The following NRP1 variants were observed in gnomAD, a reference collection of about 807,000 sequenced individuals.
NRP1 encodes the protein neuropilin-1.
A neutral mutation model predicts 106.7 loss-of-function variants in NRP1; 35 were observed. That is an observed-to-expected ratio of 0.33 (90% CI 0.25 to 0.43). The LOEUF (loss-of-function observed/expected upper bound fraction) is 0.43. Among genes scored for constraint, NRP1 ranks in the 20% least tolerant of loss-of-function variants. The pLI, the probability that NRP1 is intolerant of heterozygous loss-of-function variation, is 1.00. For synonymous variants in NRP1, 437 were observed against 417.9 expected (o/e 1.05, Z -0.56); for missense variants, 1,024 against 1,170.4 (o/e 0.87, Z 1.83).
chr10:33,270,458 C>T (rs1156885570), intron 3 of NRP1, among the ~76,000 whole-genome samples: 1 of 151,980 alleles, frequency 6.6e-6, no homozygotes, highest in Non-Finnish European at 1.5e-5. Flanking sequence ...TCCTGAGTAG[C>T]TGGGATTACT....
At chr10:33,292,208 T>C (rs139188909) in intron 2 of NRP1, among the ~76,000 whole-genome samples, 41 of 152,300 alleles carry the variant, frequency 2.7e-4, no homozygotes, top group African/African-American at 9.6e-4. Flanking sequence ...CAGATTTAGT[T>C]GTGAAGTCAG....
chr10:33,248,735 T>A (rs61843210), intron 6 of NRP1, among the ~76,000 whole-genome samples: 26,706 of 152,046 alleles, frequency 0.18, 2,734 homozygotes, highest in East Asian at 0.51. Context: ...AAGAGGCTCT[T>A]GCCTCAAGGG....
intron 2 of NRP1, among the ~76,000 whole-genome samples, chr10:33,319,568 T>TTTTCTTTC (rs1293392507): frequency 6.7e-6 from 1 of 148,646 alleles, no homozygotes; most frequent in East Asian, 2.0e-4. Flanking sequence ...CATCTTTTTT[T>TTTTCTTTC]TTTCTTTCTT....
At chr10:33,274,896 T>A (rs1371532050) in intron 2 of NRP1, among the ~76,000 whole-genome samples, 1 of 152,208 alleles carries the variant, frequency 6.6e-6, no homozygotes, top group African/African-American at 2.4e-5. Context: ...AAAATGTGTT[T>A]CTGTGGCTCT....
In NRP1 at chr10:33,334,432, G is replaced by A; in HGVS notation, c.-50C>T. Reference sequence around the variant, plus strand: ...AGACGCGGGAGAACGAGGACGTGGGGGGAAATGCAGCAAAGAGGAGAATCT... The same window carrying A: ...AGACGCGGGAGAACGAGGACGTGGGAGGAAATGCAGCAAAGAGGAGAATCT... On this transcript the variant is annotated 5_prime_UTR_variant, in exon 1 of 17. Coordinates refer to ENST00000374867, the MANE Select transcript of NRP1 (RefSeq NM_003873.7). 1 of 1,476,080 alleles carries A rather than the reference G, an allele frequency of 6.8e-7. No individual in the cohort carries two copies. The highest frequency in any genetic ancestry group is 1.4e-5 in the African/African-American group (1 of 71,876). 91.4% of individuals were successfully genotyped at this position (1,476,080 alleles called of 1,614,324 possible).
At chr10:33,243,965 GCA>G (rs1308562995) in intron 6 of NRP1, among the ~76,000 whole-genome samples, 2 of 149,828 alleles carry the variant, frequency 1.3e-5, no homozygotes, top group East Asian at 3.9e-4. Context: ...GTGTGTGTGT[GCA>G]TGCATGCTTG....
At position 33,221,858 on chromosome 10, in the gene NRP1, A is replaced by G. The variant is rs1299760304; in HGVS notation, c.1143T>C (p.Phe381=). 3.1e-6 allele frequency: 5 copies of G among 1,610,486 alleles called. No homozygotes were observed. Among genetic ancestry groups the G allele is most frequent in the Non-Finnish European group, 4.2e-6 (5 of 1,177,078 alleles). ...TIKEGNKPVL[F]QGNTNPTDVV... The stretch of plus-strand genomic sequence containing the variant: ...CATCTGTGGGGTTGGTGTTTCCCTG[A>G]AAGAGCTGTATGGGGAAAAAAAGTG... The change falls in exon 8 of 17, where the codon TTT becomes TTC. Residue 381 remains phenylalanine (F), a synonymous_variant. Coordinates refer to ENST00000374867, the MANE Select transcript of NRP1 (RefSeq NM_003873.7).
intron 4 of NRP1, among the ~76,000 whole-genome samples, chr10:33,259,388 C>A (rs1842424264): frequency 6.6e-6 from 1 of 152,148 alleles, no homozygotes; most frequent in Admixed American, 6.5e-5. Flanking sequence ...ACAGCGAGAC[C>A]TTAGCCTAGC....
At chr10:33,186,584 C>G in intron 13 of NRP1, 96 bp from the exon 14 acceptor site, 1 of 1,434,078 alleles carries the variant, frequency 7.0e-7, no homozygotes, top group Non-Finnish European at 9.4e-7. Context: ...GCTTCCTGCG[C>G]TGAGCACCAA....
intron 2 of NRP1, among the ~76,000 whole-genome samples, chr10:33,304,239 G>T (rs934414987): frequency 3.3e-5 from 5 of 152,102 alleles, no homozygotes; most frequent in African/African-American, 1.2e-4. Context: ...TCTCCATTCC[G>T]TCTTCTTTCA....
intron 2 of NRP1, among the ~76,000 whole-genome samples, chr10:33,285,543 C>T (rs763907776): frequency 2.6e-5 from 4 of 152,102 alleles, no homozygotes; most frequent in Non-Finnish European, 5.9e-5. Context: ...TTGCTCAAAA[C>T]CCTACAGGAA....
chr10:33,212,919 A>T (rs1312315186), intron 9 of NRP1: 1 of 326,718 alleles, frequency 3.1e-6, no homozygotes, highest in Non-Finnish European at 5.6e-6. Context: ...AATCCGCCCG[A>T]CTCGGCATCC....
At chr10:33,213,259 C>T in intron 9 of NRP1, 127 bp downstream of exon 9, 2 of 1,609,810 alleles carry the variant, frequency 1.2e-6, no homozygotes, top group South Asian at 1.1e-5. Flanking sequence ...TTACTGACCC[C>T]ATCACACACC....
rs568066283 is a variant in NRP1 at position 33,241,677 on chromosome 10, T to A, written c.981+12351A>T. On this transcript the variant is annotated intron_variant, in intron 6 of 16. Transcript: ENST00000374867. ...GTGGTGGTGGTGTGTGTGGGGTGCA[T>A]CTTTGACAGAAAAAATAGGGCTAAG... is the stretch of plus-strand genomic sequence containing the variant. Among the ~76,000 whole-genome samples the A allele has an allele frequency of 9.2e-5, 14 of 151,428 alleles. No individual in the cohort carries two copies. In the East Asian group the frequency reaches 2.7e-3, roughly 29 times the overall value.
intron 13 of NRP1, among the ~76,000 whole-genome samples, chr10:33,191,807 T>G (rs1420910383): frequency 6.6e-6 from 1 of 151,712 alleles, no homozygotes. Flanking sequence ...TGAAATCCCG[T>G]CTCTACTAAA....
chr10:33,305,858 T>G (rs1354191491), intron 2 of NRP1, among the ~76,000 whole-genome samples: 5 of 152,054 alleles, frequency 3.3e-5, no homozygotes, highest in Admixed American at 3.3e-4. Context: ...AACTTCCGCC[T>G]CCTGGGTTCA....
At position 33,180,159 on chromosome 10, in the gene NRP1, C is replaced by T; in HGVS notation, c.2689G>A (p.Glu897Lys). ...TCCACAAGTTCAAAGTTATAGTTCTCCAGGGCAGACAAGTTTCTTTCTGAC... is the reference window on the plus strand; with the variant it reads ...TCCACAAGTTCAAAGTTATAGTTCTTCAGGGCAGACAAGTTTCTTTCTGAC... ...GMSERNLSAL[E>K]NYNFELVDGV... is the part of the protein sequence containing the mutation. Residue 897 changes from glutamate (E) to lysine (K), a missense_variant, in exon 17 of 17, where the codon GAG becomes AAG. Coordinates refer to ENST00000374867, the MANE Select transcript of NRP1 (RefSeq NM_003873.7). The T allele has an allele frequency of 1.9e-6, 3 of 1,614,158 alleles. No homozygotes were observed. Among genetic ancestry groups the T allele is most frequent in the Non-Finnish European group, 2.5e-6 (3 of 1,180,034 alleles).
At chr10:33,219,024 C>T (rs1445468143) in intron 8 of NRP1, among the ~76,000 whole-genome samples, 3 of 152,074 alleles carry the variant, frequency 2.0e-5, no homozygotes, top group East Asian at 3.8e-4. Flanking sequence ...CTTTGATTTT[C>T]ATTTCAAGAA....
intron 13 of NRP1, among the ~76,000 whole-genome samples, chr10:33,190,777 T>C (rs1410314467): frequency 2.0e-5 from 3 of 152,216 alleles, no homozygotes; most frequent in African/African-American, 7.2e-5. Context: ...TGAGTGTGTA[T>C]ATGTGTGTGT....
Sources: allele counts gnomAD v4.1 joint callset (sites outside exome capture counted in the v4.1 genomes callset), GRCh38; gene constraint gnomAD v4.1.1; transcripts MANE v1.5; gene names NCBI Gene and HGNC (gene_info 2026-07-23, HGNC 2026-07-21).